The following LHFPL5 variants were observed in gnomAD, a reference collection of about 807,000 sequenced individuals.
LHFPL5 encodes the protein LHFPL tetraspan subfamily member 5, also known as LHFPL tetraspan subfamily member 5 protein.
A neutral mutation model predicts 18.7 loss-of-function variants in LHFPL5; 12 were observed. The observed-to-expected ratio is 0.64, with a 90% CI of 0.41 to 1.04. LHFPL5 has a LOEUF of 1.04. Ranked by LOEUF, LHFPL5 falls within the 50% of genes least tolerant of loss-of-function variation. LHFPL5 has a pLI of 0.00. For synonymous variants in LHFPL5, 111 were observed against 120.2 expected (o/e 0.92, Z 0.50); for missense variants, 259 against 292.1 (o/e 0.89, Z 0.83).
intron 1 of LHFPL5, among the ~76,000 whole-genome samples, chr6:35,806,418 A>G (rs1362006360): frequency 3.3e-5 from 5 of 149,432 alleles, no homozygotes; most frequent in African/African-American, 1.3e-4. Flanking sequence ...CCATCACATC[A>G]GTTTTTGCAG....
At chr6:35,819,584 T>G in intron 3 of LHFPL5, 121 bp downstream of exon 3, 2 of 962,704 alleles carry the variant, frequency 2.1e-6, no homozygotes, top group Non-Finnish European at 3.3e-6. Context: ...GTGATGCTGC[T>G]TGGGGAGAGA....
In LHFPL5 at chr6:35,805,654, G is replaced by A. The variant is rs766303751; in HGVS notation, c.-17G>A. 3 of 1,613,886 alleles carry A rather than the reference G, an allele frequency of 1.9e-6. No individual in the cohort carries two copies. Among genetic ancestry groups the A allele is most frequent in the Admixed American group, 3.3e-5 (2 of 60,022 alleles). On this transcript the variant is annotated 5_prime_UTR_variant, in exon 1 of 4. Transcript: ENST00000360215. The surrounding 1 kb of genome is among the most constrained non-coding windows in gnomAD (Gnocchi z 4.3). ...TGCAGCCCACGGGACCCCAGCCCAG[G>A]GCCTGCTGCCCTCACCATGGTGAAA...
chr6:35,814,895 C>G lies in LHFPL5; in HGVS notation c.649+113C>G. The stretch of plus-strand genomic sequence containing the variant: ...GGTCCCTGGCCAAGGGATGGGGACA[C>G]CAAGACTAATCAGACACACCCCTTG... On this transcript the variant is annotated intron_variant, in intron 2 of 3. Coordinates refer to ENST00000360215, the MANE Select transcript of LHFPL5 (RefSeq NM_182548.4). The surrounding 1 kb of genome is among the most constrained non-coding windows in gnomAD (Gnocchi z 4.2). 1.1e-6 allele frequency: 1 copy of G among 943,750 alleles called. No individual in the cohort carries two copies. The highest frequency in any genetic ancestry group is 1.7e-6 in the Non-Finnish European group (1 of 578,284). The allele number at this position is 943,750 out of a possible 1,614,324, so 58.5% of individuals were successfully genotyped here.
intron 3 of LHFPL5, 43 bp downstream of exon 3, chr6:35,819,506 G>A (rs1300299543): frequency 2.0e-5 from 32 of 1,584,998 alleles, no homozygotes; most frequent in Non-Finnish European, 2.8e-5. Context: ...CCCTTAGAAA[G>A]GCTGGGGCTC....
chr6:35,818,250 T>C (rs1299411705), intron 2 of LHFPL5, among the ~76,000 whole-genome samples: 1 of 151,638 alleles, frequency 6.6e-6, no homozygotes, highest in African/African-American at 2.4e-5. Context: ...ACAGGGTTTC[T>C]TTTTGGGGTG....
chr6:35,806,210 C>A, intron 1 of LHFPL5, 128 bp downstream of exon 1: 1 of 945,318 alleles, frequency 1.1e-6, no homozygotes, highest in South Asian at 1.5e-5. Flanking sequence ...CAGTCCTACT[C>A]AGTGCTCTGC....
At chr6:35,818,482 C>G (rs1768810740) in intron 2 of LHFPL5, among the ~76,000 whole-genome samples, 1 of 149,982 alleles carries the variant, frequency 6.7e-6, no homozygotes, top group Non-Finnish European at 1.5e-5. Context: ...TATTAGCCTC[C>G]CAAATAGCTA....
chr6:35,818,192 T>G (rs908408062), intron 2 of LHFPL5, among the ~76,000 whole-genome samples: 1 of 152,044 alleles, frequency 6.6e-6, no homozygotes, highest in Admixed American at 6.6e-5. Flanking sequence ...GAAAGCAGAT[T>G]AGGAGGTGGC....
intron 2 of LHFPL5, among the ~76,000 whole-genome samples, chr6:35,815,218 G>A (rs1253349445): frequency 1.3e-5 from 2 of 152,134 alleles, no homozygotes; most frequent in Non-Finnish European, 2.9e-5. Context: ...GACAGCTCCT[G>A]CAGTGCAGCT....
chr6:35,805,471 G>C lies in LHFPL5; in HGVS notation c.-200G>C, dbSNP rs1159310400. On this transcript the variant is annotated 5_prime_UTR_variant, in exon 1 of 4. Transcript: ENST00000360215. The surrounding 1 kb of genome is among the most constrained non-coding windows in gnomAD (Gnocchi z 4.3). ...CGGCTAGAGCGGACACAGGCACCTG[G>C]CAAGCTTTCCTTGACCAAATCAAGG... 1 of 604,858 alleles carries C rather than the reference G, an allele frequency of 1.7e-6. No individual in the cohort carries two copies. The highest frequency in any genetic ancestry group is 2.9e-6 in the Non-Finnish European group (1 of 339,388). The allele number at this position is 604,858 out of a possible 1,614,324, so 37.5% of individuals were successfully genotyped here.
rs1768913120 is a variant in LHFPL5 at position 35,823,444 on chromosome 6, TATATACAC to T, written c.*481_*488del. ...ACACACATACATACACACACACATATATATACACACACACACACACACACACACACACA... is the reference window on the plus strand; with the variant it reads ...ACACACATACATACACACACACATATACACACACACACACACACACACACA... On this transcript the variant is annotated 3_prime_UTR_variant, in exon 4 of 4. Transcript: ENST00000360215. The T allele has an allele frequency of 1.0e-5, 1 of 95,544 alleles. No individual in the cohort carries two copies. 5.9% of individuals were successfully genotyped at this position (95,544 alleles called of 1,614,324 possible). A position where few individuals can be genotyped will look rare whatever the true frequency, so the allele number is the denominator to read the frequency against.
intron 2 of LHFPL5, among the ~76,000 whole-genome samples, chr6:35,815,283 C>T (rs947096979): frequency 4.6e-5 from 7 of 152,062 alleles, no homozygotes; most frequent in Non-Finnish European, 7.4e-5. Flanking sequence ...TCGTAATGTT[C>T]GTCCTGTTTC....
At position 35,823,147 on chromosome 6, in the gene LHFPL5, A is replaced by G. The variant is rs1443562103; in HGVS notation, c.*182A>G. On this transcript the variant is annotated 3_prime_UTR_variant, in exon 4 of 4. Coordinates refer to ENST00000360215, the MANE Select transcript of LHFPL5 (RefSeq NM_182548.4). ...CTCCTGAGACAAGACCTCCTACTGTACTCTTTCTGGGGAAGCAGAACTGCA... is the reference window on the plus strand; with the variant it reads ...CTCCTGAGACAAGACCTCCTACTGTGCTCTTTCTGGGGAAGCAGAACTGCA... 6.6e-6 allele frequency: 1 copy of G among 151,776 alleles called. No homozygotes were observed. Among genetic ancestry groups the G allele is most frequent in the East Asian group, 1.9e-4 (1 of 5,174 alleles). 9.4% of individuals were successfully genotyped at this position (151,776 alleles called of 1,614,324 possible).
rs370902662 is a variant in LHFPL5, at chr6:35,805,754, G to T, written c.84G>T (p.Met28Ile). Residue 28 changes from methionine to isoleucine, a missense_variant, in exon 1 of 4, where the codon ATG (methionine) becomes ATT (isoleucine). By Grantham distance (10) the Met-to-Ile change is conservative. Transcript: ENST00000360215. This position sits in a 1 kb window ranked among gnomAD's most constrained non-coding sequence, Gnocchi z 4.3. ...YVRNSRAVGV[M>I]WGTLTICFSV... ...GGAACTCGCGAGCCGTGGGCGTGAT[G>T]TGGGGTACCCTCACCATCTGCTTCT... is the stretch of plus-strand genomic sequence containing the variant. 3 of 1,614,238 alleles carry T rather than the reference G, an allele frequency of 1.9e-6. No homozygotes were observed. In the East Asian group the frequency reaches 6.7e-5, roughly 36 times the overall value.
chr6:35,815,521 G>T (rs1197675519), intron 2 of LHFPL5, among the ~76,000 whole-genome samples: 5 of 152,154 alleles, frequency 3.3e-5, no homozygotes, highest in Non-Finnish European at 7.3e-5. Context: ...GGCCTGTCTT[G>T]CACCCCTGTG....
chr6:35,816,449 C>A (rs2151071253), intron 2 of LHFPL5, among the ~76,000 whole-genome samples: 1 of 152,124 alleles, frequency 6.6e-6, no homozygotes, highest in South Asian at 2.1e-4. Context: ...GGGTAGATTC[C>A]TATAGTTCCT....
At chr6:35,820,736 A>T (rs1768849977) in intron 3 of LHFPL5, among the ~76,000 whole-genome samples, 1 of 151,532 alleles carries the variant, frequency 6.6e-6, no homozygotes. Flanking sequence ...AGAATAAAAT[A>T]AAATTAAAAA....
In LHFPL5 at chr6:35,818,341, A is replaced by T. The variant is rs1281139253; in HGVS notation, c.650-1096A>T. ...AAGCCATATATATATATATATATAT[A>T]TATATATGTATTTTTTTTTTTTTTT... is the stretch of plus-strand genomic sequence containing the variant. On this transcript the variant is annotated intron_variant, in intron 2 of 3. Coordinates refer to ENST00000360215, the MANE Select transcript of LHFPL5 (RefSeq NM_182548.4). Among the ~76,000 whole-genome samples the T allele has an allele frequency of 1.1e-3, 15 of 13,160 alleles. 2 individuals carry two copies. Among genetic ancestry groups the T allele is most frequent in the South Asian group, 1.5e-3 (1 of 662 alleles). The allele number at this position is 13,160 out of a possible 152,430, so 8.6% of individuals were successfully genotyped here.
In LHFPL5 at chr6:35,814,752, C is replaced by T. The variant is rs1371986496; in HGVS notation, c.619C>T (p.Leu207Phe). The T allele has an allele frequency of 6.2e-7, 1 of 1,614,142 alleles. No individual in the cohort carries two copies. The highest frequency in any genetic ancestry group is 1.7e-5 in the Admixed American group (1 of 60,022). The change falls in exon 2 of 4, where the codon CTC becomes TTC. Residue 207 changes from leucine (L) to phenylalanine (F), a missense_variant. Leu to Phe is a conservative substitution (Grantham distance 22, BLOSUM62 0). Coordinates refer to ENST00000360215, the MANE Select transcript of LHFPL5 (RefSeq NM_182548.4). The surrounding 1 kb of genome is among the most constrained non-coding windows in gnomAD (Gnocchi z 4.2). ...GTTGGGCTACCGGCAGGACAAGCTC[C>T]TCCCTGACGACTACAAGGCAGATGG... ...FVLGYRQDKL[L>F]PDDYKADGTE... is the part of the protein sequence containing the mutation.
Sources: gnomAD v4.1 joint callset for allele counts (sites outside exome capture counted in the v4.1 genomes callset) on GRCh38, gnomAD v4.1.1 for gene constraint, Gnocchi (gnomAD v3.1) non-coding constraint, MANE v1.5 for transcripts, NCBI Gene and HGNC (gene_info 2026-07-23, HGNC 2026-07-21) for gene names.